The following TRHDE variants were observed in gnomAD, a reference collection of about 807,000 sequenced individuals.
TRHDE encodes the protein thyrotropin-releasing hormone-degrading ectoenzyme.
Under a neutral mutation model 125.7 loss-of-function variants are expected in TRHDE, and 72 were observed. The observed-to-expected ratio is 0.57, with a 90% CI of 0.47 to 0.70. TRHDE has a LOEUF of 0.70. TRHDE is among the 30% of genes least tolerant of loss of function. The pLI, the probability that TRHDE is intolerant of heterozygous loss-of-function variation, is 0.00. For missense variants in TRHDE, 1,110 were observed against 1,327.1 expected (o/e 0.84, Z 2.54); for synonymous variants, 509 against 509.1 (o/e 1.00, Z 0.00).
chr12:72,457,025 G>T (rs756115793), intron 3 of TRHDE, among the ~76,000 whole-genome samples: 1 of 152,064 alleles, frequency 6.6e-6, no homozygotes, highest in Non-Finnish European at 1.5e-5. Context: ...CAAAGCATTA[G>T]GTACCTTCAG....
intron 5 of TRHDE, among the ~76,000 whole-genome samples, chr12:72,492,054 T>C (rs998439959): frequency 6.6e-6 from 1 of 152,012 alleles, no homozygotes; most frequent in Non-Finnish European, 1.5e-5. Context: ...AAAAATATCT[T>C]CTGTATGTAA....
intron 9 of TRHDE, among the ~76,000 whole-genome samples, chr12:72,568,019 T>C (rs139314485): frequency 2.6e-5 from 4 of 152,268 alleles, no homozygotes; most frequent in African/African-American, 9.6e-5. Context: ...CACAATATTC[T>C]TTCTATTGAT....
intron 2 of TRHDE, among the ~76,000 whole-genome samples, chr12:72,261,560 A>G (rs1565675538): frequency 6.6e-6 from 1 of 152,118 alleles, no homozygotes; most frequent in East Asian, 1.9e-4. Context: ...CTTTCCCTTT[A>G]CTTTTAGATA....
intron 5 of TRHDE, among the ~76,000 whole-genome samples, chr12:72,494,348 G>A (rs1033818366): frequency 6.6e-6 from 1 of 151,954 alleles, no homozygotes. Flanking sequence ...TTTTTCTTCT[G>A]CTTTCTCCAT....
intron 2 of TRHDE, among the ~76,000 whole-genome samples, chr12:72,376,754 A>G (rs1592400759): frequency 6.6e-6 from 1 of 152,238 alleles, no homozygotes; most frequent in Non-Finnish European, 1.5e-5. Flanking sequence ...TATAAATAAT[A>G]ATAGATGATG....
chr12:72,157,887 A>G (rs1158622404), intron 2 of TRHDE, among the ~76,000 whole-genome samples: 1 of 152,142 alleles, frequency 6.6e-6, no homozygotes, highest in Non-Finnish European at 1.5e-5. Flanking sequence ...GGGAAAAGAG[A>G]AGAACATTGA....
intron 2 of TRHDE, among the ~76,000 whole-genome samples, chr12:72,299,871 A>T (rs1242313662): frequency 2.0e-5 from 3 of 152,158 alleles, no homozygotes; most frequent in Non-Finnish European, 4.4e-5. Context: ...GGGATGCTAG[A>T]TGTTAAAAAA....
chr12:72,128,445 C>A (rs1242095896), intron 2 of TRHDE, among the ~76,000 whole-genome samples: 2 of 152,094 alleles, frequency 1.3e-5, no homozygotes, highest in Non-Finnish European at 2.9e-5. Flanking sequence ...AGAAGCAGGA[C>A]AACATGATCC....
At chr12:72,309,617 C>T (rs1362735739) in intron 2 of TRHDE, 5 of 150,808 alleles carry the variant, frequency 3.3e-5, no homozygotes, top group African/African-American at 1.2e-4. Flanking sequence ...TCAACTTCCT[C>T]AATTAAGTGC....
chr12:72,408,290 C>T (rs927839782), intron 3 of TRHDE, among the ~76,000 whole-genome samples: 5 of 152,150 alleles, frequency 3.3e-5, no homozygotes, highest in African/African-American at 9.6e-5. Context: ...TTGAGGAACA[C>T]AGTCAGAGCA....
chr12:72,229,779 C>G (rs1878211249), intron 2 of TRHDE, among the ~76,000 whole-genome samples: 1 of 152,062 alleles, frequency 6.6e-6, no homozygotes, highest in South Asian at 2.1e-4. Flanking sequence ...TGAGATTTAG[C>G]AGCAATCTAT....
chr12:72,509,830 GTTAAA>G (rs775476542), intron 6 of TRHDE, among the ~76,000 whole-genome samples: 3 of 152,132 alleles, frequency 2.0e-5, no homozygotes, highest in Admixed American at 6.5e-5. Context: ...TATTTGTTGA[GTTAAA>G]TTAAAGTAAA....
intron 6 of TRHDE, among the ~76,000 whole-genome samples, chr12:72,504,654 CAG>C (rs1385353487): frequency 1.3e-5 from 2 of 152,130 alleles, no homozygotes; most frequent in African/African-American, 4.8e-5. Context: ...GAGTTTAAAG[CAG>C]AGGAGTCAGA....
At chr12:72,182,985 G>T (rs540001980) in intron 2 of TRHDE, among the ~76,000 whole-genome samples, 8 of 152,262 alleles carry the variant, frequency 5.3e-5, no homozygotes, top group African/African-American at 1.9e-4. Flanking sequence ...AATAATATGG[G>T]CAGAGGAGGG....
chr12:72,436,490 A>T (rs1266854709), intron 3 of TRHDE, among the ~76,000 whole-genome samples: 2 of 151,906 alleles, frequency 1.3e-5, no homozygotes, highest in Non-Finnish European at 2.9e-5. Flanking sequence ...TTTAATTGGG[A>T]TTATTTTGAA....
At chr12:72,432,760 T>A in intron 3 of TRHDE, among the ~76,000 whole-genome samples, 1 of 152,186 alleles carries the variant, frequency 6.6e-6, no homozygotes, top group Non-Finnish European at 1.5e-5. Flanking sequence ...AAATGTCATG[T>A]CTTTTGCGAA....
intron 12 of TRHDE, among the ~76,000 whole-genome samples, chr12:72,599,279 A>G (rs909219023): frequency 6.6e-6 from 1 of 151,876 alleles, no homozygotes; most frequent in African/African-American, 2.4e-5. Context: ...GTAGTTCTGG[A>G]TTATTTGAAA....
At chr12:72,570,291 G>A (rs2136020998) in intron 10 of TRHDE, among the ~76,000 whole-genome samples, 2 of 152,054 alleles carry the variant, frequency 1.3e-5, no homozygotes, top group South Asian at 2.1e-4. Flanking sequence ...ATCAAGAATA[G>A]TATCCCAGGC....
intron 2 of TRHDE, among the ~76,000 whole-genome samples, chr12:72,330,879 C>T (rs1180416875): frequency 6.6e-6 from 1 of 152,118 alleles, no homozygotes; most frequent in Non-Finnish European, 1.5e-5. Context: ...ACCAGGAAGA[C>T]TTGTTGCAAC....
Sources: gnomAD v4.1 joint callset for allele counts (sites outside exome capture counted in the v4.1 genomes callset) on GRCh38, gnomAD v4.1.1 for gene constraint, MANE v1.5 for transcripts, NCBI Gene and HGNC (gene_info 2026-07-23, HGNC 2026-07-21) for gene names.